KCP: variants seen among roughly 807,000 people sequenced by gnomAD.
The protein encoded by KCP is kielin/chordin-like protein.
In KCP, 194 loss-of-function variants were observed where a neutral mutation model predicts 212.7. That is an observed-to-expected ratio of 0.91 (90% CI 0.81 to 1.03). The LOEUF (loss-of-function observed/expected upper bound fraction) is 1.03. KCP is among the 50% of genes least tolerant of loss of function. The pLI is 0.00. For synonymous variants in KCP, 833 were observed against 865.3 expected, an observed-to-expected ratio of 0.96 and a Z score of 0.65; for missense variants, 2,080 against 2,162.5, an observed-to-expected ratio of 0.96 and a Z score of 0.76.
chr7:128,893,191 TCA>T, intron 13 of KCP, 45 bp downstream of exon 13: 2 of 1,530,696 alleles, frequency 1.3e-6, no homozygotes, highest in African/African-American at 2.8e-5. Context: ...TCTGCAGCCC[TCA>T]GAGGCAGCGC....
At chr7:128,894,434 A>C (rs909919514) in intron 8 of KCP, 141 bp from the exon 9 acceptor site, 1 of 611,090 alleles carries the variant, frequency 1.6e-6, no homozygotes, top group Admixed American at 3.1e-5. Context: ...CATATGTTGA[A>C]CTCCTCACCC....
intron 9 of KCP, 36 bp downstream of exon 9, chr7:128,894,164 A>C (rs753815454): frequency 9.7e-5 from 147 of 1,510,418 alleles, no homozygotes; most frequent in Non-Finnish European, 1.2e-4. Context: ...CAGGTTGCCC[A>C]CCATGGTCAG....
chr7:128,906,293 G>C lies in KCP; in HGVS notation c.557C>G (p.Pro186Arg). ...AGGAGGCTGACCTGGCTTACAGTGC[G>C]GGCAGCATGCTCCTGGCTCAGGGCA... ...GPCPEPGACCPHCKPGCDYEG... is the reference protein window; with the variant it reads ...GPCPEPGACCRHCKPGCDYEG... The change falls in exon 5 of 40, where the codon CCG becomes CGG. Residue 186 changes from proline (P) to arginine (R), a missense_variant. Transcript: ENST00000610776. 6.4e-7 allele frequency: 1 copy of C among 1,550,954 alleles called. No individual in the cohort carries two copies. Among genetic ancestry groups the C allele is most frequent in the East Asian group, 2.4e-5 (1 of 40,916 alleles).
intron 5 of KCP, 112 bp from the exon 6 acceptor site, chr7:128,904,250 T>TGGCGG (rs1342975697): frequency 7.2e-6 from 11 of 1,537,492 alleles, no homozygotes; most frequent in African/African-American, 5.6e-5. Flanking sequence ...GTTGAAGGGA[T>TGGCGG]GGCGGGGCAG....
At chr7:128,894,166 C>T (rs1272632567) in intron 9 of KCP, 34 bp downstream of exon 9, 2 of 1,510,900 alleles carry the variant, frequency 1.3e-6, no homozygotes, top group Non-Finnish European at 1.8e-6. Context: ...GGTTGCCCAC[C>T]ATGGTCAGGC....
In KCP at chr7:128,886,484, C is replaced by T; in HGVS notation, c.2846G>A (p.Ser949Asn). ...CATACCTCTGCAGCGAGGGCAGCAG[C>T]TCCCCCGCTCGGTGACCTGGAGCTT... ...PCKLQVTERG[S>N]CCPRCRGCLA... Residue 949 changes from serine to asparagine, a missense_variant, in exon 26 of 40, where the codon AGC (serine) becomes AAC (asparagine). By Grantham distance (46) the Ser-to-Asn change is conservative. Transcript: ENST00000610776. 1 of 1,549,776 alleles carries T rather than the reference C, an allele frequency of 6.5e-7. No homozygotes were observed. Among genetic ancestry groups the T allele is most frequent in the Non-Finnish European group, 8.7e-7 (1 of 1,146,144 alleles).
chr7:128,899,573 T>A (rs1484968349), intron 8 of KCP, among the ~76,000 whole-genome samples: 1 of 152,230 alleles, frequency 6.6e-6, no homozygotes, highest in African/African-American at 2.4e-5. Context: ...TTGTTTTGTT[T>A]TTCATAGTCA....
rs556995806 is a variant in KCP, at chr7:128,879,700, C to T, written c.4044+18G>A. On this transcript the variant is annotated intron_variant, in intron 36 of 39. Transcript: ENST00000610776. ...ACAGCACAGGATCCACCTTCCTCCA[C>T]TCCTCGGCTTTGCTCACCGTGACTG... The T allele has an allele frequency of 3.2e-6, 5 of 1,550,052 alleles. No individual in the cohort carries two copies. The African/African-American group carries it at 6.8e-5, about 21-fold the overall frequency.
In KCP at chr7:128,876,884, T is replaced by A; in HGVS notation, c.*159A>T. ...GAAGCCTTCGGGCAGGCCTAGAGTT[T>A]ACTGCTGGTGACTCAACATGGCGGG... On this transcript the variant is annotated 3_prime_UTR_variant, in exon 40 of 40. Transcript: ENST00000610776. 1 of 792,724 alleles carries A rather than the reference T, an allele frequency of 1.3e-6. No individual in the cohort carries two copies. Among genetic ancestry groups the A allele is most frequent in the South Asian group, 2.1e-5 (1 of 47,564 alleles). The allele number at this position is 792,724 out of a possible 1,614,324, so 49.1% of individuals were successfully genotyped here.
At chr7:128,882,252 T>C (rs1793378005) in intron 29 of KCP, among the ~76,000 whole-genome samples, 1 of 152,116 alleles carries the variant, frequency 6.6e-6, no homozygotes, top group African/African-American at 2.4e-5. Flanking sequence ...GGGTGCAAGG[T>C]GACTGGAAAC....
intron 8 of KCP, among the ~76,000 whole-genome samples, chr7:128,898,672 G>A (rs1794667439): frequency 6.6e-6 from 1 of 152,232 alleles, no homozygotes; most frequent in Admixed American, 6.5e-5. Context: ...AAAAAGTCAT[G>A]GGAATGTGGG....
rs150127438 is a variant in KCP, at chr7:128,877,184, G to A, written c.4746C>T (p.Pro1582=). The A allele has an allele frequency of 2.8e-4, 412 of 1,486,006 alleles. 3 individuals are homozygous for A. In the East Asian group the frequency reaches 9.8e-3, roughly 35 times the overall value. 92.1% of individuals were successfully genotyped at this position (1,486,006 alleles called of 1,614,324 possible). A position where few individuals can be genotyped will look rare whatever the true frequency, so the allele number is the denominator to read the frequency against. ...CCAGGCCTGCAGGGCACTGGCAGCC[G>A]GGCACGCAGGGCCTCACGCAGTGGG... ...LAAHCVRPCV[P]GCQCPAGLVE... The change falls in exon 40 of 40, where the codon CCC becomes CCT. Residue 1582 remains proline, a synonymous_variant. Coordinates refer to ENST00000610776, the MANE Select transcript of KCP (RefSeq NM_001366122.1).
intron 38 of KCP, 99 bp from the exon 39 acceptor site, chr7:128,877,889 G>T: frequency 8.9e-7 from 1 of 1,120,760 alleles, no homozygotes; most frequent in Non-Finnish European, 1.3e-6. Context: ...ATTTGCTTTA[G>T]TCCCCAAAAC....
chr7:128,890,800 A>G, intron 20 of KCP, 105 bp downstream of exon 20: 1 of 1,004,520 alleles, frequency 1.0e-6, no homozygotes, highest in South Asian at 2.2e-5. Flanking sequence ...AAGATCCCCG[A>G]CGTGGGCGGA....
rs1420943081 is a variant in KCP at position 128,890,327 on chromosome 7, A to C, written c.2335+16T>G. The C allele has an allele frequency of 1.9e-6, 3 of 1,551,368 alleles. No individual in the cohort carries two copies. Among genetic ancestry groups the C allele is most frequent in the African/African-American group, 1.4e-5 (1 of 73,028 alleles). ...CCGCATCCCACCCCGGCAGCTCCCT[A>C]TCCCATGACCCTCACCATCACAGTC... On this transcript the variant is annotated intron_variant, in intron 21 of 39. Coordinates refer to ENST00000610776, the MANE Select transcript of KCP (RefSeq NM_001366122.1).
intron 5 of KCP, among the ~76,000 whole-genome samples, chr7:128,905,582 T>C (rs1795082825): frequency 1.3e-5 from 2 of 152,302 alleles, no homozygotes; most frequent in South Asian, 2.1e-4. Context: ...ACAACTGCTG[T>C]CACAGCCCCG....
rs1793025988 is a variant in KCP at position 128,877,012 on chromosome 7, C to A, written c.*31G>T. 1.3e-6 allele frequency: 2 copies of A among 1,534,846 alleles called. No homozygotes were observed. The highest frequency in any genetic ancestry group is 2.2e-5 in the Admixed American group (1 of 45,906). ...TGCTCGCCAAGGGGAGACTCCTGGCCTGATGAACCCTTATCAGGCACTGTC... is the reference window on the plus strand; with the variant it reads ...TGCTCGCCAAGGGGAGACTCCTGGCATGATGAACCCTTATCAGGCACTGTC... On this transcript the variant is annotated 3_prime_UTR_variant, in exon 40 of 40. Transcript: ENST00000610776.
At chr7:128,896,924 T>C (rs10236059) in intron 8 of KCP, among the ~76,000 whole-genome samples, 198 of 148,420 alleles carry the variant, frequency 1.3e-3, no homozygotes, top group African/African-American at 4.7e-3. Flanking sequence ...AATTCCCTTC[T>C]CTACCGATAC....
Position 128,876,996 on chromosome 7 carries a change from A to G in KCP, c.*47T>C. 2 of 1,523,398 alleles carry G rather than the reference A, an allele frequency of 1.3e-6. No individual in the cohort carries two copies. The highest frequency in any genetic ancestry group is 2.5e-5 in the South Asian group (2 of 79,450). 94.4% of individuals were successfully genotyped at this position (1,523,398 alleles called of 1,614,324 possible). A position where few individuals can be genotyped will look rare whatever the true frequency, so the allele number is the denominator to read the frequency against. ...TAACCAGGGTGGGAACTGCTCGCCA[A>G]GGGGAGACTCCTGGCCTGATGAACC... On this transcript the variant is annotated 3_prime_UTR_variant, in exon 40 of 40. Coordinates refer to ENST00000610776, the MANE Select transcript of KCP (RefSeq NM_001366122.1).
Sources: allele counts gnomAD v4.1 joint callset (sites outside exome capture counted in the v4.1 genomes callset), GRCh38; gene constraint gnomAD v4.1.1; transcripts MANE v1.5; gene names NCBI Gene and HGNC (gene_info 2026-07-23, HGNC 2026-07-21).